The following CT45A1 variants were observed in gnomAD, a reference collection of about 807,000 sequenced individuals.
CT45A1 encodes the protein cancer/testis antigen 45-1.
chrX:135,715,313 T>TTA (rs1763692649), intron 1 of CT45A1, among the ~76,000 whole-genome samples: 4 of 69,996 alleles, frequency 5.7e-5, no homozygotes, highest in African/African-American at 2.1e-4. Flanking sequence ...TATACAATAC[T>TTA]TATATATAAT....
chrX:135,712,162 CCTT>C (rs2148031074), upstream of CT45A1, among the ~76,000 whole-genome samples: 1 of 95,866 alleles, frequency 1.0e-5, no homozygotes, highest in South Asian at 5.1e-4. Flanking sequence ...GGTTTCCCCT[CCTT>C]TCTTTTTTTC....
At chrX:135,712,534 T>G (rs2087940765), upstream of CT45A1, among the ~76,000 whole-genome samples, 1 of 109,647 alleles carries the variant, frequency 9.1e-6, no homozygotes, top group African/African-American at 3.3e-5. Context: ...ATTTATTTAT[T>G]TATTTATATT....
At chrX:135,709,153 G>A (rs1438754578), upstream of CT45A1, among the ~76,000 whole-genome samples, 2 of 112,350 alleles carry the variant, frequency 1.8e-5, no homozygotes, top group African/African-American at 6.5e-5. Flanking sequence ...TACAGCAGCT[G>A]CAGTTGGAAC....
At chrX:135,710,308 A>G (rs2087927633), upstream of CT45A1, 1 of 112,159 alleles carries the variant, frequency 8.9e-6, no homozygotes, top group African/African-American at 3.2e-5. Flanking sequence ...GAGTCTCCAG[A>G]ATGAATAACC....
upstream of CT45A1, chrX:135,713,463 T>A: frequency 5.9e-6 from 1 of 168,736 alleles, no homozygotes; most frequent in South Asian, 4.7e-4. Flanking sequence ...AGTGTTCGGC[T>A]GGGCCAGCAC....
upstream of CT45A1, among the ~76,000 whole-genome samples, chrX:135,710,893 A>G (rs782053687): frequency 7.1e-5 from 8 of 111,962 alleles, no homozygotes; most frequent in Non-Finnish European, 1.5e-4. Context: ...ATTTTTAATC[A>G]TGTGTCCTCA....
At chrX:135,712,830 G>C (rs1299300516), upstream of CT45A1, among the ~76,000 whole-genome samples, 3 of 111,138 alleles carry the variant, frequency 2.7e-5, no homozygotes, top group Non-Finnish European at 3.8e-5. Flanking sequence ...GCGCCCGTTG[G>C]GGTTGACTTT....
At chrX:135,716,691 T>G (rs1243959188) in intron 1 of CT45A1, among the ~76,000 whole-genome samples, 1 of 111,674 alleles carries the variant, frequency 9.0e-6, no homozygotes, top group Non-Finnish European at 1.9e-5. Context: ...CAATTCATTC[T>G]TTATGGTTAG....
At chrX:135,715,296 ACT>A (rs1556570974) in intron 1 of CT45A1, among the ~76,000 whole-genome samples, 6 of 84,286 alleles carry the variant, frequency 7.1e-5, no homozygotes, top group African/African-American at 2.7e-4. Context: ...TATATATAAT[ACT>A]TATATATACA....
intron 2 of CT45A1, among the ~76,000 whole-genome samples, chrX:135,719,334 T>A (rs1265758196): frequency 3.9e-4 from 33 of 85,274 alleles, no homozygotes; most frequent in Non-Finnish European, 7.0e-4. Context: ...CTATCATTTT[T>A]TTCTTGAGAT....
At chrX:135,714,223 G>T (rs1336628474) in intron 1 of CT45A1, among the ~76,000 whole-genome samples, 1 of 109,683 alleles carries the variant, frequency 9.1e-6, no homozygotes, top group Non-Finnish European at 1.9e-5. Context: ...GATGTCGTCC[G>T]TGAGGCACAT....
upstream of CT45A1, among the ~76,000 whole-genome samples, chrX:135,713,011 C>CTCTTTCTT (rs377476754): frequency 1.3e-4 from 8 of 60,431 alleles, no homozygotes; most frequent in African/African-American, 2.5e-4. Context: ...CTCTCTCTCT[C>CTCTTTCTT]TCTTTCTTTC....
chrX:135,714,054 A>G (rs1207343643), intron 1 of CT45A1, among the ~76,000 whole-genome samples: 1 of 96,731 alleles, frequency 1.0e-5, no homozygotes, highest in Non-Finnish European at 2.1e-5. Context: ...TTTCTTTCCC[A>G]CTCAGTCGCA....
At chrX:135,711,536 G>C (rs1234676520), upstream of CT45A1, among the ~76,000 whole-genome samples, 1 of 111,407 alleles carries the variant, frequency 9.0e-6, no homozygotes, top group Non-Finnish European at 1.9e-5. Context: ...CCAGGTTCAA[G>C]TGATTCTCCT....
At chrX:135,715,326 TTATATATTA>T (rs1411103142) in intron 1 of CT45A1, among the ~76,000 whole-genome samples, 8 of 76,391 alleles carry the variant, frequency 1.0e-4, no homozygotes, top group Admixed American at 1.9e-4. Flanking sequence ...TATATAATAC[TTATATATTA>T]TATATATATA....
intron 1 of CT45A1, among the ~76,000 whole-genome samples, chrX:135,715,233 C>A (rs868995233): frequency 1.3e-5 from 1 of 79,520 alleles, no homozygotes; most frequent in Non-Finnish European, 2.4e-5. Flanking sequence ...ATATATAATA[C>A]TTATATATAT....
chrX:135,712,926 TTC>T (rs1357332363), upstream of CT45A1, among the ~76,000 whole-genome samples: 16 of 91,196 alleles, frequency 1.8e-4, no homozygotes, highest in Non-Finnish European at 2.8e-4. Context: ...TTCTTTTCTT[TTC>T]TTTTCTTTTT....
intron 1 of CT45A1, among the ~76,000 whole-genome samples, chrX:135,715,036 T>C (rs1193908687): frequency 2.2e-4 from 24 of 106,667 alleles, no homozygotes; most frequent in Middle Eastern, 4.8e-3. Context: ...TAAAAATACG[T>C]ATACAATTTT....
chrX:135,715,266 T>A (rs1603082570), intron 1 of CT45A1, among the ~76,000 whole-genome samples: 2 of 78,866 alleles, frequency 2.5e-5, no homozygotes, highest in African/African-American at 1.2e-4. Context: ...TATATAATAC[T>A]TATATATATA....
Sources: gnomAD v4.1 joint callset for allele counts (sites outside exome capture counted in the v4.1 genomes callset) on GRCh38, gnomAD v4.1.1 for gene constraint, MANE v1.5 for transcripts, NCBI Gene and HGNC (gene_info 2026-07-23, HGNC 2026-07-21) for gene names.